Variants in SCAF8 observed in about 807,000 individuals in gnomAD.
The protein encoded by SCAF8 is SR-related and CTD-associated factor 8.
In SCAF8, 23 loss-of-function variants were observed where a neutral mutation model predicts 140.5. The observed-to-expected ratio is 0.16, with a 90% CI of 0.12 to 0.23. SCAF8 has a LOEUF of 0.23. Ranked by LOEUF, SCAF8 falls within the 10% of genes least tolerant of loss-of-function variation. The pLI is 1.00. For missense variants in SCAF8, 1,397 were observed against 1,555.7 expected, an observed-to-expected ratio of 0.90 and a Z score of 1.72; for synonymous variants, 575 against 528.9, an observed-to-expected ratio of 1.09 and a Z score of -1.20.
chr6:154,753,297 C>G (rs971650812), intron 1 of SCAF8, among the ~76,000 whole-genome samples: 4 of 152,128 alleles, frequency 2.6e-5, no homozygotes, highest in African/African-American at 9.7e-5. Context: ...GAAACCCCAT[C>G]TCTACTAAAA....
chr6:154,798,779 T>C lies in SCAF8; in HGVS notation c.607-3192T>C, dbSNP rs138480834. Among the ~76,000 whole-genome samples, 44 of 151,296 alleles carry C rather than the reference T, an allele frequency of 2.9e-4. 1 individual carries two copies. Among genetic ancestry groups the C allele is most frequent in the African/African-American group, 1.0e-3 (42 of 41,466 alleles). On this transcript the variant is annotated intron_variant, in intron 6 of 19. Transcript: ENST00000367178. ...ATCCTCCAGTGGCTCCCTGTCTCACTCAGAGTAAAAGCCCAAGATGTTTTG... is the reference window on the plus strand; with the variant it reads ...ATCCTCCAGTGGCTCCCTGTCTCACCCAGAGTAAAAGCCCAAGATGTTTTG...
chr6:154,798,285 G>A (rs1215510740), intron 6 of SCAF8, among the ~76,000 whole-genome samples: 1 of 151,470 alleles, frequency 6.6e-6, no homozygotes, highest in Non-Finnish European at 1.5e-5. Flanking sequence ...AATTGGTTCA[G>A]GAAAGTTCTG....
At chr6:154,759,257 T>G (rs1016229738) in intron 1 of SCAF8, among the ~76,000 whole-genome samples, 2 of 152,168 alleles carry the variant, frequency 1.3e-5, no homozygotes, top group African/African-American at 4.8e-5. Flanking sequence ...TTTTTTGGAG[T>G]ATTTTTTAAT....
At chr6:154,778,952 A>C (rs1776998317) in intron 3 of SCAF8, among the ~76,000 whole-genome samples, 1 of 152,214 alleles carries the variant, frequency 6.6e-6, no homozygotes, top group African/African-American at 2.4e-5. Flanking sequence ...ACGCTTTTAA[A>C]AGCATTTCTC....
chr6:154,786,826 A>G (rs556063466), intron 3 of SCAF8, among the ~76,000 whole-genome samples: 12 of 152,212 alleles, frequency 7.9e-5, no homozygotes, highest in Non-Finnish European at 1.5e-4. Context: ...TCAGGTTTCT[A>G]GTTGATGACT....
Position 154,798,321 on chromosome 6 carries a change from T to C in SCAF8, c.606+3182T>C, listed in dbSNP as rs544165065. 5.3e-4 allele frequency among the ~76,000 whole-genome samples: 80 copies of C among 151,602 alleles called. 8 individuals are homozygous for C. Among genetic ancestry groups the C allele is most frequent in the Non-Finnish European group, 1.1e-3 (72 of 67,774 alleles). The stretch of plus-strand genomic sequence containing the variant: ...TTATACAGATGACAATTAAATTTGT[T>C]TTTTAAAGGATGAGTAAGAAATGGA... On this transcript the variant is annotated intron_variant, in intron 6 of 19. Coordinates refer to ENST00000367178, the MANE Select transcript of SCAF8 (RefSeq NM_014892.5).
intron 18 of SCAF8, among the ~76,000 whole-genome samples, chr6:154,829,232 A>AT (rs565160950): frequency 0.33 from 46,972 of 142,406 alleles, 8,606 homozygotes; most frequent in Non-Finnish European, 0.43. Flanking sequence ...TTCATAAGTG[A>AT]TTTTTTTTTT....
chr6:154,741,827 A>G, intron 1 of SCAF8: 1 of 609,944 alleles, frequency 1.6e-6, no homozygotes, highest in East Asian at 2.9e-5. Flanking sequence ...GACAACTTCT[A>G]ACTCATAATG....
chr6:154,773,611 C>A (rs1776836233), intron 1 of SCAF8, among the ~76,000 whole-genome samples: 1 of 152,128 alleles, frequency 6.6e-6, no homozygotes, highest in Admixed American at 6.5e-5. Context: ...GTTCTCAGTT[C>A]TCTTGGGTAC....
At chr6:154,824,449 A>C in intron 17 of SCAF8, 71 bp downstream of exon 17, 1 of 1,399,636 alleles carries the variant, frequency 7.1e-7, no homozygotes, top group Non-Finnish European at 1.0e-6. Flanking sequence ...TTCCAGATTT[A>C]AGTACCATAG....
intron 16 of SCAF8, 87 bp downstream of exon 16, chr6:154,822,496 A>G: frequency 7.7e-7 from 1 of 1,301,606 alleles, no homozygotes; most frequent in Non-Finnish European, 1.1e-6. Flanking sequence ...AACCGGAATG[A>G]AAATCTCCAT....
chr6:154,801,835 A>G lies in SCAF8; in HGVS notation c.607-136A>G, dbSNP rs1332848512. 5.5e-6 allele frequency: 3 copies of G among 540,876 alleles called. 1 individual carries two copies. Among genetic ancestry groups the G allele is most frequent in the Non-Finnish European group, 9.6e-6 (3 of 312,212 alleles). The allele number at this position is 540,876 out of a possible 1,614,324, so 33.5% of individuals were successfully genotyped here. On this transcript the variant is annotated intron_variant, in intron 6 of 19. Transcript: ENST00000367178. ...AAGGTACACAGAAAAACTTCAAAAA[A>G]TTAACTTATTAATAGTGTGTATTTT... is the stretch of plus-strand genomic sequence containing the variant.
In SCAF8 at chr6:154,738,870, A is replaced by G. The variant is rs866908641; in HGVS notation, c.30+4940A>G. 8.5e-5 allele frequency among the ~76,000 whole-genome samples: 13 copies of G among 152,262 alleles called. No homozygotes were observed. In the South Asian group the frequency reaches 1.7e-3, roughly 19 times the overall value. ...ACTATGTGGAGGTCATTCTGGTAGG[A>G]TCTTGTTCTATTGTTTTTTTGTTTC... On this transcript the variant is annotated intron_variant, in intron 1 of 19. Coordinates refer to ENST00000367178, the MANE Select transcript of SCAF8 (RefSeq NM_014892.5).
At chr6:154,820,366 AAAAG>A (rs902739496) in intron 15 of SCAF8, 33 bp downstream of exon 15, 2 of 1,566,646 alleles carry the variant, frequency 1.3e-6, no homozygotes, top group African/African-American at 2.7e-5. Context: ...ATTGTTAAAA[AAAAG>A]TATGCTTAGA....
At chr6:154,764,023 G>C (rs1444206332) in intron 1 of SCAF8, among the ~76,000 whole-genome samples, 1 of 152,198 alleles carries the variant, frequency 6.6e-6, no homozygotes, top group Non-Finnish European at 1.5e-5. Flanking sequence ...TTAGAGATAA[G>C]TTTTGTGATG....
In SCAF8 at chr6:154,774,006, C is replaced by T; in HGVS notation, c.48C>T (p.Asp16=). 6.2e-7 allele frequency: 1 copy of T among 1,612,172 alleles called. No homozygotes were observed. The highest frequency in any genetic ancestry group is 8.5e-7 in the Non-Finnish European group (1 of 1,178,368). ...TTCATCAGTTGTATTCCCTGAATGACTATAAACCACCCATTTCGAAAGCGA... is the reference window on the plus strand; with the variant it reads ...TTCATCAGTTGTATTCCCTGAATGATTATAAACCACCCATTTCGAAAGCGA... The part of the protein sequence containing the change: ...TFNSELYSLN[D]YKPPISKAKM... The change falls in exon 2 of 20, where the codon GAC becomes GAT. Residue 16 remains aspartate (D), a synonymous_variant. Transcript: ENST00000367178.
chr6:154,753,348 T>A (rs1778885572), intron 1 of SCAF8, among the ~76,000 whole-genome samples: 1 of 152,138 alleles, frequency 6.6e-6, no homozygotes, highest in South Asian at 2.1e-4. Context: ...ACACCTGTAA[T>A]CCCAGTTACT....
Position 154,824,296 on chromosome 6 carries a change from G to A in SCAF8, c.1989G>A (p.Met663Ile). ...TCCCACCAGCATTTCCTGTGTCGAT[G>A]CCGGTTCCTCCTCCTGGATTCAGTC... is the stretch of plus-strand genomic sequence containing the variant. ...SLVPPAFPVSMPVPPPGFSPI... is the reference protein window; with the variant it reads ...SLVPPAFPVSIPVPPPGFSPI... Residue 663 changes from methionine to isoleucine, a missense_variant, in exon 17 of 20, where the codon ATG (methionine) becomes ATA (isoleucine). Around this residue, in one of 5 missense-constraint regions of SCAF8, gnomAD observed 930 missense variants for 874.6 expected, o/e 1.06. Coordinates refer to ENST00000367178, the MANE Select transcript of SCAF8 (RefSeq NM_014892.5). The A allele has an allele frequency of 6.2e-7, 1 of 1,614,024 alleles. No homozygotes were observed. Among genetic ancestry groups the A allele is most frequent in the African/African-American group, 1.3e-5 (1 of 75,046 alleles).
intron 15 of SCAF8, among the ~76,000 whole-genome samples, chr6:154,821,461 A>T (rs1017332504): frequency 6.6e-6 from 1 of 152,154 alleles, no homozygotes; most frequent in Non-Finnish European, 1.5e-5. Context: ...TTATCTGTGA[A>T]AAAAACAGAT....
Sources: gnomAD v4.1 joint callset for allele counts (sites outside exome capture counted in the v4.1 genomes callset) on GRCh38, gnomAD v4.1.1 for gene constraint, gnomAD v4.1.1 regional missense constraint, MANE v1.5 for transcripts, NCBI Gene and HGNC (gene_info 2026-07-23, HGNC 2026-07-21) for gene names.